BCAS3: variants seen among roughly 807,000 people sequenced by gnomAD.
BCAS3 encodes the protein BCAS4/BCAS3 fusion.
BCAS3 carries 53 observed loss-of-function variants against 116.1 expected under a neutral mutation model. The ratio of observed to expected loss-of-function variants is 0.46; its 90% CI spans 0.37 to 0.57. BCAS3 has a LOEUF of 0.57. Among genes scored for constraint, BCAS3 ranks in the 20% least tolerant of loss-of-function variants. BCAS3 has a pLI of 0.00. For missense variants in BCAS3, 917 were observed against 1,165.4 expected (o/e 0.79, Z 3.10); for synonymous variants, 391 against 408.2 (o/e 0.96, Z 0.51).
chr17:60,914,944 G>C (rs1167295592), intron 12 of BCAS3, among the ~76,000 whole-genome samples: 1 of 152,098 alleles, frequency 6.6e-6, no homozygotes, highest in Non-Finnish European at 1.5e-5. Flanking sequence ...TGTGCAGGGG[G>C]TCAGCACTTG....
At chr17:61,287,257 A>C (rs1009987097) in intron 22 of BCAS3, among the ~76,000 whole-genome samples, 1 of 151,278 alleles carries the variant, frequency 6.6e-6, no homozygotes, top group Admixed American at 6.6e-5. Flanking sequence ...AAAAAAAAAA[A>C]CTCTATGGAG....
chr17:61,275,244 A>G (rs535717313), intron 22 of BCAS3, among the ~76,000 whole-genome samples: 25 of 152,376 alleles, frequency 1.6e-4, no homozygotes, highest in African/African-American at 6.0e-4. Flanking sequence ...TGAATTGTCT[A>G]TGTGCTATCA....
rs1318163435 is a variant in BCAS3, at chr17:61,130,361, C to T, written c.2425+45797C>T. Among the ~76,000 whole-genome samples the T allele has an allele frequency of 6.6e-6, 1 of 152,096 alleles. No homozygotes were observed. Among genetic ancestry groups the T allele is most frequent in the Non-Finnish European group, 1.5e-5 (1 of 68,024 alleles). On this transcript the variant is annotated intron_variant, in intron 22 of 23. Coordinates refer to ENST00000407086, the MANE Select transcript of BCAS3 (RefSeq NM_017679.5). This position sits in a 1 kb window ranked among gnomAD's most constrained non-coding sequence, Gnocchi z 5.0. The stretch of plus-strand genomic sequence containing the variant: ...TCTGTACAATTTTCTTATTAATTCT[C>T]GTATCCAAAAGAACCACAATACAAC...
chr17:60,854,894 G>T (rs1033167098), intron 7 of BCAS3, among the ~76,000 whole-genome samples: 3 of 150,690 alleles, frequency 2.0e-5, no homozygotes, highest in Non-Finnish European at 4.4e-5. Context: ...AACAAACTGT[G>T]GTATATTCAT....
chr17:60,941,030 T>A (rs1168072877), intron 13 of BCAS3, among the ~76,000 whole-genome samples: 1 of 152,362 alleles, frequency 6.6e-6, no homozygotes, highest in Admixed American at 6.5e-5. Flanking sequence ...GCCTTAATGT[T>A]CAGTCTCCAG....
intron 6 of BCAS3, among the ~76,000 whole-genome samples, chr17:60,803,791 T>C (rs774508044): frequency 3.5e-5 from 5 of 140,972 alleles, no homozygotes; most frequent in Non-Finnish European, 4.5e-5. Flanking sequence ...TAAGTAACTA[T>C]TACGATTTTT....
At chr17:61,273,075 C>T (rs1422644058) in intron 22 of BCAS3, among the ~76,000 whole-genome samples, 1 of 151,712 alleles carries the variant, frequency 6.6e-6, no homozygotes, top group East Asian at 1.9e-4. Flanking sequence ...ATTCTCTTAG[C>T]TTTTGTCTAA....
chr17:60,729,816 AATAAT>A (rs776594294), intron 5 of BCAS3, among the ~76,000 whole-genome samples: 4 of 152,226 alleles, frequency 2.6e-5, no homozygotes, highest in Non-Finnish European at 5.9e-5. Context: ...CTTGTAATAA[AATAAT>A]AAAGAGAATC....
chr17:61,176,910 C>G (rs2079184928), intron 22 of BCAS3, among the ~76,000 whole-genome samples: 1 of 152,184 alleles, frequency 6.6e-6, no homozygotes, highest in Non-Finnish European at 1.5e-5. Context: ...CAGATTTCAC[C>G]AAAGAAGATC....
At chr17:61,197,733 T>G (rs940126000) in intron 22 of BCAS3, among the ~76,000 whole-genome samples, 32 of 152,344 alleles carry the variant, frequency 2.1e-4, no homozygotes, top group African/African-American at 7.5e-4. Flanking sequence ...CAAGCCAGTC[T>G]GGATAAAGAC....
intron 7 of BCAS3, among the ~76,000 whole-genome samples, chr17:60,854,336 G>T (rs1223559859): frequency 2.6e-5 from 4 of 152,102 alleles, no homozygotes; most frequent in African/African-American, 9.7e-5. Context: ...CTTTGCTGTT[G>T]TGAATAGTGC....
Position 61,144,327 on chromosome 17 carries a change from A to G in BCAS3, c.2425+59763A>G, listed in dbSNP as rs117735489. 6.6e-6 allele frequency among the ~76,000 whole-genome samples: 1 copy of G among 152,318 alleles called. No individual in the cohort carries two copies. The highest frequency in any genetic ancestry group is 1.5e-5 in the Non-Finnish European group (1 of 68,034). ...CCCTACCATCTCCTCCGAGTCTTCT[A>G]CGTGTATGTCTAGATACTATGACAG... On this transcript the variant is annotated intron_variant, in intron 22 of 23. Coordinates refer to ENST00000407086, the MANE Select transcript of BCAS3 (RefSeq NM_017679.5). The surrounding 1 kb of genome is among the most constrained non-coding windows in gnomAD (Gnocchi z 5.0).
At chr17:60,718,617 A>C (rs1375495501) in intron 5 of BCAS3, among the ~76,000 whole-genome samples, 1 of 151,968 alleles carries the variant, frequency 6.6e-6, no homozygotes, top group Non-Finnish European at 1.5e-5. Flanking sequence ...GTGATCTTTT[A>C]AATTTTAGCT....
chr17:60,887,749 G>A (rs376308464), intron 9 of BCAS3, among the ~76,000 whole-genome samples: 29 of 152,208 alleles, frequency 1.9e-4, no homozygotes, highest in East Asian at 1.2e-3. Flanking sequence ...ATCACAGAGA[G>A]CAGTTCAGTT....
chr17:61,320,204 T>C (rs1202455531), intron 22 of BCAS3, among the ~76,000 whole-genome samples: 4 of 151,914 alleles, frequency 2.6e-5, no homozygotes, highest in Non-Finnish European at 4.4e-5. Flanking sequence ...TAGTCTTTTT[T>C]CTATGCATTT....
At chr17:60,727,249 G>A in intron 5 of BCAS3, 1 of 1,002,544 alleles carries the variant, frequency 1.0e-6, no homozygotes, top group Non-Finnish European at 1.6e-6. Context: ...CCATCCTCTT[G>A]GATCTGCAGT....
At chr17:61,052,127 A>G (rs1432436567) in intron 19 of BCAS3, among the ~76,000 whole-genome samples, 2 of 151,932 alleles carry the variant, frequency 1.3e-5, no homozygotes, top group African/African-American at 4.8e-5. Flanking sequence ...ATGTCTTCAA[A>G]TATTTTTTCT....
chr17:60,685,930 C>T (rs933462507), intron 3 of BCAS3, among the ~76,000 whole-genome samples: 3 of 151,594 alleles, frequency 2.0e-5, no homozygotes, highest in African/African-American at 4.9e-5. Context: ...AGTGCAGTGG[C>T]ATGATCTTGG....
At chr17:60,702,265 G>T (rs186889385) in intron 4 of BCAS3, among the ~76,000 whole-genome samples, 4 of 152,178 alleles carry the variant, frequency 2.6e-5, no homozygotes, top group African/African-American at 9.7e-5. Context: ...CAAGAATTGC[G>T]AGTATTCGCT....
Sources: gnomAD v4.1 joint callset for allele counts (sites outside exome capture counted in the v4.1 genomes callset) on GRCh38, gnomAD v4.1.1 for gene constraint, Gnocchi (gnomAD v3.1) non-coding constraint, MANE v1.5 for transcripts, NCBI Gene and HGNC (gene_info 2026-07-23, HGNC 2026-07-21) for gene names.